Variants in SLIT3 observed in about 807,000 individuals in gnomAD.
SLIT3 encodes the protein slit homolog 3 protein.
Under a neutral mutation model 184.0 loss-of-function variants are expected in SLIT3, and 68 were observed. That is an observed-to-expected ratio of 0.37 (90% confidence interval 0.30 to 0.45). The LOEUF is 0.45. SLIT3 is among the 20% of genes least tolerant of loss of function. The pLI is 1.00. For synonymous variants in SLIT3, 831 were observed against 828.6 expected, an observed-to-expected ratio of 1.00 and a Z score of -0.05; for missense variants, 1,707 against 2,026.0, an observed-to-expected ratio of 0.84 and a Z score of 3.02.
At chr5:169,206,434 G>A (rs1487115224) in intron 3 of SLIT3, among the ~76,000 whole-genome samples, 1 of 152,162 alleles carries the variant, frequency 6.6e-6, no homozygotes, top group African/African-American at 2.4e-5. Context: ...CGACTCACAG[G>A]TAGGAAACTG....
chr5:169,286,730 A>G (rs1041178124), intron 1 of SLIT3, among the ~76,000 whole-genome samples: 9 of 152,234 alleles, frequency 5.9e-5, no homozygotes, highest in African/African-American at 2.2e-4. Context: ...CTCTCGACAA[A>G]GCTATTTTCC....
intron 3 of SLIT3, among the ~76,000 whole-genome samples, chr5:169,238,859 T>C (rs569438365): frequency 6.6e-6 from 1 of 152,292 alleles, no homozygotes; most frequent in South Asian, 2.1e-4. Context: ...TTACCATGAA[T>C]TGGATCTGAT....
chr5:168,928,368 T>C (rs1761895024), intron 4 of SLIT3, among the ~76,000 whole-genome samples: 1 of 152,232 alleles, frequency 6.6e-6, no homozygotes, highest in African/African-American at 2.4e-5. Context: ...TTCTTCTGTA[T>C]AGCACTAAAA....
intron 3 of SLIT3, among the ~76,000 whole-genome samples, chr5:169,225,534 C>T (rs1764774844): frequency 6.6e-6 from 1 of 152,230 alleles, no homozygotes; most frequent in Non-Finnish European, 1.5e-5. Context: ...TGGTTTCCCT[C>T]TTAGAGGCCT....
intron 1 of SLIT3, among the ~76,000 whole-genome samples, chr5:169,275,584 A>G (rs1250269475): frequency 6.6e-6 from 1 of 152,224 alleles, no homozygotes; most frequent in Non-Finnish European, 1.5e-5. Context: ...CGGTAGGGGC[A>G]GTCTCATAAT....
intron 4 of SLIT3, among the ~76,000 whole-genome samples, chr5:169,105,376 C>T (rs887313851): frequency 8.5e-5 from 13 of 152,128 alleles, no homozygotes; most frequent in African/African-American, 3.1e-4. Context: ...CCTTTTAAAC[C>T]AACGAAATAC....
chr5:169,088,862 A>G (rs1214661930), intron 4 of SLIT3, among the ~76,000 whole-genome samples: 3 of 151,738 alleles, frequency 2.0e-5, no homozygotes, highest in African/African-American at 7.3e-5. Flanking sequence ...TCTACTAGAA[A>G]TACAAAAATG....
rs186358868 is a variant in SLIT3, at chr5:169,224,939, C to T, written c.341+19766G>A. Among the ~76,000 whole-genome samples the T allele has an allele frequency of 2.2e-3, 342 of 152,300 alleles. 6 individuals carry two copies. Among genetic ancestry groups the T allele is most frequent in the Admixed American group, 0.015 (225 of 15,294 alleles). On this transcript the variant is annotated intron_variant, in intron 3 of 35. Coordinates refer to ENST00000519560, the MANE Select transcript of SLIT3 (RefSeq NM_003062.4). ...CCTCAAGTGATCCGCCCATCTTGGC[C>T]TCCCGAAGTGCTGGGATTGCAGGAA...
intron 4 of SLIT3, among the ~76,000 whole-genome samples, chr5:169,169,258 C>T (rs1193638158): frequency 6.6e-6 from 1 of 152,156 alleles, no homozygotes; most frequent in African/African-American, 2.4e-5. Context: ...GCTTTTCTGA[C>T]CTCAGAGTCA....
chr5:168,668,841 C>T lies in SLIT3; in HGVS notation c.4336+942G>A, dbSNP rs188218858. Among the ~76,000 whole-genome samples the T allele has an allele frequency of 3.3e-5, 5 of 152,366 alleles. No individual in the cohort carries two copies. The East Asian group carries it at 9.6e-4, about 29-fold the overall frequency. ...ACTCTGTCACCCAGGTTGATCTTGGCTGACTGTAACCTCCGCCTCCTGGGT... is the reference window on the plus strand; with the variant it reads ...ACTCTGTCACCCAGGTTGATCTTGGTTGACTGTAACCTCCGCCTCCTGGGT... On this transcript the variant is annotated intron_variant, in intron 35 of 35. Transcript: ENST00000519560.
intron 4 of SLIT3, among the ~76,000 whole-genome samples, chr5:169,017,122 G>A (rs758542406): frequency 2.6e-5 from 4 of 152,182 alleles, no homozygotes; most frequent in African/African-American, 7.2e-5. Context: ...CCTGTAGTCC[G>A]CCTTTAAAAG....
intron 4 of SLIT3, among the ~76,000 whole-genome samples, chr5:169,080,483 C>T (rs1581386485): frequency 6.6e-6 from 1 of 152,116 alleles, no homozygotes; most frequent in East Asian, 1.9e-4. Context: ...TTGACTTGCC[C>T]ACATCCTGTG....
At position 168,674,310 on chromosome 5, in the gene SLIT3, G is replaced by A. The variant is rs190767922; in HGVS notation, c.3687-979C>T. 1.1e-4 allele frequency among the ~76,000 whole-genome samples: 17 copies of A among 152,232 alleles called. No individual in the cohort carries two copies. The East Asian group carries it at 1.4e-3, about 12-fold the overall frequency. On this transcript the variant is annotated intron_variant, in intron 32 of 35. Coordinates refer to ENST00000519560, the MANE Select transcript of SLIT3 (RefSeq NM_003062.4). ...AAGGATTTGAACTGAGGTTCAGGTC[G>A]AATGTCCCTAATCTGAAAAGCTCCA...
chr5:168,819,361 A>G (rs1386248757), intron 7 of SLIT3, among the ~76,000 whole-genome samples: 1 of 152,246 alleles, frequency 6.6e-6, no homozygotes, highest in Non-Finnish European at 1.5e-5. Context: ...AATGTTGCCC[A>G]AGGAACACGG....
At chr5:169,119,042 T>G (rs1760787377) in intron 4 of SLIT3, among the ~76,000 whole-genome samples, 1 of 152,220 alleles carries the variant, frequency 6.6e-6, no homozygotes. Context: ...GACCGCTTAG[T>G]CCAGAAGCTC....
intron 4 of SLIT3, among the ~76,000 whole-genome samples, chr5:168,933,555 A>G (rs2113173921): frequency 6.6e-6 from 1 of 151,482 alleles, no homozygotes; most frequent in Middle Eastern, 3.4e-3. Context: ...CAAACAAACA[A>G]AAAAAACAGC....
chr5:169,187,008 T>C (rs1763366108), intron 4 of SLIT3, among the ~76,000 whole-genome samples: 1 of 114,428 alleles, frequency 8.7e-6, no homozygotes, highest in African/African-American at 2.9e-5. Flanking sequence ...TTAGCCTCAG[T>C]GGCATTTTTT....
At chr5:168,731,510 CT>C (rs1346152476) in intron 20 of SLIT3, among the ~76,000 whole-genome samples, 1 of 151,860 alleles carries the variant, frequency 6.6e-6, no homozygotes, top group East Asian at 1.9e-4. Flanking sequence ...AAAAAGAAAA[CT>C]ACAGGCTAAC....
intron 4 of SLIT3, among the ~76,000 whole-genome samples, chr5:168,898,632 A>G (rs1021459855): frequency 6.6e-6 from 1 of 152,234 alleles, no homozygotes; most frequent in Non-Finnish European, 1.5e-5. Context: ...AAAAGAGGAC[A>G]TAATTGACGT....
Sources: gnomAD v4.1 joint callset for allele counts (sites outside exome capture counted in the v4.1 genomes callset) on GRCh38, gnomAD v4.1.1 for gene constraint, MANE v1.5 for transcripts, NCBI Gene and HGNC (gene_info 2026-07-23, HGNC 2026-07-21) for gene names.